The following SPATS2L variants were observed in gnomAD, a reference collection of about 807,000 sequenced individuals.
SPATS2L encodes the protein SPATS2-like protein.
Under a neutral mutation model 59.6 loss-of-function variants are expected in SPATS2L, and 30 were observed. The ratio of observed to expected loss-of-function variants is 0.50; its 90% CI spans 0.38 to 0.68. SPATS2L has a LOEUF of 0.68. Ranked by LOEUF, SPATS2L falls within the 30% of genes least tolerant of loss-of-function variation. The probability of loss-of-function intolerance (pLI) is 0.00; values close to 1 mark genes in which losing one functional copy is unlikely to be tolerated. For missense variants in SPATS2L, 615 were observed against 700.0 expected (o/e 0.88, Z 1.37); for synonymous variants, 252 against 263.5 (o/e 0.96, Z 0.42).
intron 3 of SPATS2L, among the ~76,000 whole-genome samples, chr2:200,411,306 C>G (rs1266669331): frequency 6.6e-6 from 1 of 152,164 alleles, no homozygotes; most frequent in Non-Finnish European, 1.5e-5. Context: ...ATGTTCTGGT[C>G]AATAGCATCA....
intron 3 of SPATS2L, among the ~76,000 whole-genome samples, chr2:200,394,255 G>A (rs962463448): frequency 3.3e-5 from 5 of 152,074 alleles, no homozygotes; most frequent in African/African-American, 7.2e-5. Context: ...GCATCTCCAC[G>A]CATCTCTCAT....
chr2:200,331,363 C>T lies in SPATS2L; in HGVS notation c.-23+1883C>T, dbSNP rs577656084. 2.7e-4 allele frequency among the ~76,000 whole-genome samples: 41 copies of T among 152,290 alleles called. 1 individual carries two copies. Among genetic ancestry groups the T allele is most frequent in the African/African-American group, 8.4e-4 (35 of 41,564 alleles). On this transcript the variant is annotated intron_variant, in intron 2 of 12. Transcript: ENST00000409140. ...TAATTCATTTCTTAATTTGTTCTCCCAGAATTAGAGAGTTGCTTGGTTACA... is the reference window on the plus strand; with the variant it reads ...TAATTCATTTCTTAATTTGTTCTCCTAGAATTAGAGAGTTGCTTGGTTACA...
intron 3 of SPATS2L, among the ~76,000 whole-genome samples, chr2:200,406,545 G>C (rs2082695027): frequency 6.6e-6 from 1 of 152,134 alleles, no homozygotes; most frequent in Admixed American, 6.6e-5. Flanking sequence ...CTGCACTCCA[G>C]CTTCTCTCCC....
At chr2:200,342,144 T>C (rs915981931) in intron 2 of SPATS2L, among the ~76,000 whole-genome samples, 1 of 152,204 alleles carries the variant, frequency 6.6e-6, no homozygotes, top group Non-Finnish European at 1.5e-5. Context: ...CATGGACTTA[T>C]CACTAACTAT....
chr2:200,396,052 ATATATATATATATATT>A lies in SPATS2L; in HGVS notation c.39+6771_39+6786del, dbSNP rs1448213524. Among the ~76,000 whole-genome samples, 65 of 93,936 alleles carry A rather than the reference ATATATATATATATATT, an allele frequency of 6.9e-4. 2 individuals are homozygous for A. The highest frequency in any genetic ancestry group is 1.8e-3 in the East Asian group (6 of 3,306). 61.6% of individuals were successfully genotyped at this position (93,936 alleles called of 152,430 possible). A position where few individuals can be genotyped will look rare whatever the true frequency, so the allele number is the denominator to read the frequency against. On this transcript the variant is annotated intron_variant, in intron 3 of 12. Transcript: ENST00000409140. ...AAAAAAAATATATATATATATATAT[ATATATATATATATATT>A]TTCCCATAGAACCAAGATTGGAAAG... is the stretch of plus-strand genomic sequence containing the variant.
chr2:200,384,649 G>C (rs1438131548), intron 2 of SPATS2L, among the ~76,000 whole-genome samples: 3 of 152,170 alleles, frequency 2.0e-5, no homozygotes, highest in Non-Finnish European at 4.4e-5. Context: ...ACCGCGCCCA[G>C]CTGTGGTTCA....
At chr2:200,426,018 T>TTATC (rs1207472195) in intron 6 of SPATS2L, among the ~76,000 whole-genome samples, 3 of 152,086 alleles carry the variant, frequency 2.0e-5, no homozygotes, top group Non-Finnish European at 2.9e-5. Context: ...AGCCAGTGTT[T>TTATC]TATCTAAACT....
rs1055553035 is a variant in SPATS2L, at chr2:200,481,732, G to C, written c.*3701G>C. ...GTCTCGCTCTGTCGCCCAGGCTGGA[G>C]TGCAGTGGCGCGGTCTCGGCTCACT... On this transcript the variant is annotated 3_prime_UTR_variant, in exon 13 of 13. Transcript: ENST00000409140. The C allele has an allele frequency of 2.0e-5, 3 of 152,348 alleles. No homozygotes were observed. Among genetic ancestry groups the C allele is most frequent in the Admixed American group, 6.5e-5 (1 of 15,286 alleles). The allele number at this position is 152,348 out of a possible 1,614,324, so 9.4% of individuals were successfully genotyped here. A position where few individuals can be genotyped will look rare whatever the true frequency, so the allele number is the denominator to read the frequency against.
Position 200,396,031 on chromosome 2 carries a change from A to AAAAT in SPATS2L, c.39+6750_39+6753dup, listed in dbSNP as rs1553520533. Among the ~76,000 whole-genome samples the AAAAT allele has an allele frequency of 6.7e-3, 207 of 30,948 alleles. 1 individual carries two copies. Among genetic ancestry groups the AAAAT allele is most frequent in the Middle Eastern group, 0.02 (1 of 50 alleles). 20.3% of individuals were successfully genotyped at this position (30,948 alleles called of 152,430 possible). A position where few individuals can be genotyped will look rare whatever the true frequency, so the allele number is the denominator to read the frequency against. On this transcript the variant is annotated intron_variant, in intron 3 of 12. Transcript: ENST00000409140. ...ATCTGGAAAAAAAAAAAAAAAAAAA[A>AAAAT]AAATATATATATATATATATATATA...
intron 12 of SPATS2L, among the ~76,000 whole-genome samples, chr2:200,475,824 GT>G (rs1417397093): frequency 6.6e-6 from 1 of 152,062 alleles, no homozygotes; most frequent in African/African-American, 2.4e-5. Flanking sequence ...AAAATTTCAT[GT>G]TTTCTTAAGA....
At chr2:200,370,119 T>G (rs1236309735) in intron 2 of SPATS2L, among the ~76,000 whole-genome samples, 1 of 152,148 alleles carries the variant, frequency 6.6e-6, no homozygotes, top group African/African-American at 2.4e-5. Flanking sequence ...CAGTCATCTG[T>G]GAGAATGGCA....
chr2:200,459,509 T>G (rs1041906692), intron 8 of SPATS2L, among the ~76,000 whole-genome samples: 1 of 152,228 alleles, frequency 6.6e-6, no homozygotes, highest in African/African-American at 2.4e-5. Flanking sequence ...AGCACAATTC[T>G]GAAAGTCTAA....
chr2:200,417,102 G>A (rs946819219), intron 5 of SPATS2L, among the ~76,000 whole-genome samples: 9 of 152,138 alleles, frequency 5.9e-5, no homozygotes, highest in Non-Finnish European at 1.3e-4. Context: ...AAAGTGTGCC[G>A]CTCCTTTCAA....
intron 2 of SPATS2L, among the ~76,000 whole-genome samples, chr2:200,356,729 T>C (rs1408026921): frequency 6.6e-6 from 1 of 152,218 alleles, no homozygotes; most frequent in African/African-American, 2.4e-5. Context: ...CTATTTTGTA[T>C]AACAGAATAC....
chr2:200,443,225 G>C (rs561139794), intron 8 of SPATS2L, among the ~76,000 whole-genome samples: 43 of 152,250 alleles, frequency 2.8e-4, no homozygotes, highest in African/African-American at 8.9e-4. Flanking sequence ...CCTCCCTCTT[G>C]TTTTCTAAGA....
At chr2:200,335,049 G>A (rs1192512704) in intron 2 of SPATS2L, among the ~76,000 whole-genome samples, 1 of 152,158 alleles carries the variant, frequency 6.6e-6, no homozygotes, top group Non-Finnish European at 1.5e-5. Flanking sequence ...ATTCTGTGAA[G>A]AAAGTCATTG....
At chr2:200,326,901 ATTTT>A (rs755351538) in intron 1 of SPATS2L, among the ~76,000 whole-genome samples, 10 of 99,080 alleles carry the variant, frequency 1.0e-4, no homozygotes, top group East Asian at 6.7e-4. Context: ...TGCCCGGCTA[ATTTT>A]TTTTTTTTTT....
chr2:200,452,308 ATGT>A (rs2085515030), intron 8 of SPATS2L, among the ~76,000 whole-genome samples: 1 of 152,240 alleles, frequency 6.6e-6, no homozygotes, highest in Admixed American at 6.5e-5. Context: ...TGAACATTTA[ATGT>A]TGTGGGATTT....
intron 2 of SPATS2L, among the ~76,000 whole-genome samples, chr2:200,365,788 A>G (rs1331446044): frequency 6.6e-6 from 1 of 152,018 alleles, no homozygotes; most frequent in Non-Finnish European, 1.5e-5. Context: ...GGTCTAATAA[A>G]ACTTTGTGCT....
Sources: gnomAD v4.1 joint callset for allele counts (sites outside exome capture counted in the v4.1 genomes callset) on GRCh38, gnomAD v4.1.1 for gene constraint, MANE v1.5 for transcripts, NCBI Gene and HGNC (gene_info 2026-07-23, HGNC 2026-07-21) for gene names.